DPP6: variants seen among roughly 807,000 people sequenced by gnomAD.
The protein encoded by DPP6 is A-type potassium channel modulatory protein DPP6.
Under a neutral mutation model 122.6 loss-of-function variants are expected in DPP6, and 69 were observed. The ratio of observed to expected loss-of-function variants is 0.56; its 90% CI spans 0.46 to 0.69. DPP6 has a LOEUF of 0.69. DPP6 is among the 30% of genes least tolerant of loss of function. The pLI, the probability that DPP6 is intolerant of heterozygous loss-of-function variation, is 0.00. For synonymous variants in DPP6, 418 were observed against 433.1 expected, an observed-to-expected ratio of 0.97 and a Z score of 0.43; for missense variants, 928 against 1,116.9, an observed-to-expected ratio of 0.83 and a Z score of 2.41.
intron 1 of DPP6, among the ~76,000 whole-genome samples, chr7:154,135,442 A>C (rs1056171373): frequency 1.3e-5 from 2 of 149,306 alleles, no homozygotes; most frequent in African/African-American, 5.0e-5. Context: ...GCTTCCCGTG[A>C]GCCCACATTT....
intron 1 of DPP6, among the ~76,000 whole-genome samples, chr7:154,111,620 C>CATGT (rs975038900): frequency 3.0e-5 from 4 of 134,912 alleles, no homozygotes; most frequent in African/African-American, 8.2e-5. Context: ...GGCAGGGTTT[C>CATGT]GTGTGTGTGT....
rs116479251 is a variant in DPP6 at position 154,461,215 on chromosome 7, G to A, written c.359-13724G>A. On this transcript the variant is annotated intron_variant, in intron 2 of 25. Coordinates refer to ENST00000377770, the MANE Select transcript of DPP6 (RefSeq NM_130797.4). ...AAATCTCATTCATTTTTTTGTGGCT[G>A]AATAGTACTCCATTGTGTATACGTA... 5.2e-3 allele frequency among the ~76,000 whole-genome samples: 792 copies of A among 152,250 alleles called. 9 individuals are homozygous for A. The highest frequency in any genetic ancestry group is 0.019 in the African/African-American group (775 of 41,532).
intron 1 of DPP6, among the ~76,000 whole-genome samples, chr7:154,211,108 G>A (rs1483564009): frequency 6.6e-6 from 1 of 152,170 alleles, no homozygotes; most frequent in African/African-American, 2.4e-5. Context: ...CTCTGTTAGT[G>A]CTTCCTCTTA....
chr7:154,379,038 A>T (rs1224993867), intron 1 of DPP6, among the ~76,000 whole-genome samples: 1 of 152,120 alleles, frequency 6.6e-6, no homozygotes, highest in Non-Finnish European at 1.5e-5. Context: ...CAGAGCCAAA[A>T]CGATTCACCT....
At chr7:154,131,263 G>T (rs568113453) in intron 1 of DPP6, among the ~76,000 whole-genome samples, 2 of 152,228 alleles carry the variant, frequency 1.3e-5, no homozygotes, top group African/African-American at 2.4e-5. Context: ...CTCCCAGAAG[G>T]GGTGTGATAT....
At chr7:154,032,652 A>G (rs1216864526) in intron 1 of DPP6, among the ~76,000 whole-genome samples, 1 of 152,104 alleles carries the variant, frequency 6.6e-6, no homozygotes, top group Non-Finnish European at 1.5e-5. Context: ...TTTCTTTGCA[A>G]TCTGACATAT....
chr7:154,324,964 G>A (rs945540871), intron 1 of DPP6, among the ~76,000 whole-genome samples: 18 of 147,364 alleles, frequency 1.2e-4, no homozygotes, highest in Non-Finnish European at 1.8e-4. Flanking sequence ...GGGTTGAAGC[G>A]GTTCTCCTGC....
At chr7:153,865,985 T>C in the DPP6 span, among the ~76,000 whole-genome samples, 2 of 152,114 alleles carry the variant, frequency 1.3e-5, no homozygotes, top group Admixed American at 6.5e-5. Flanking sequence ...CATGAACCCA[T>C]CATTTTTTAT....
chr7:154,029,969 G>A (rs1368341647), intron 1 of DPP6, among the ~76,000 whole-genome samples: 2 of 152,210 alleles, frequency 1.3e-5, no homozygotes, highest in East Asian at 3.9e-4. Flanking sequence ...GCTGAGGGGG[G>A]CAGATCACTT....
chr7:154,823,652 A>C (rs1799946719), intron 16 of DPP6, among the ~76,000 whole-genome samples: 1 of 152,232 alleles, frequency 6.6e-6, no homozygotes, highest in South Asian at 2.1e-4. Flanking sequence ...GGACATGCCA[A>C]ACTCTCGTCC....
At chr7:154,603,656 CAAAAAAAAAAAAAA>C (rs779501891) in intron 5 of DPP6, among the ~76,000 whole-genome samples, 1 of 24,988 alleles carries the variant, frequency 4.0e-5, no homozygotes, top group African/African-American at 1.1e-4. Flanking sequence ...AACTCTGTCT[CAAAAAAAAAAAAAA>C]AAAAAAAAAA....
At chr7:154,593,680 C>T (rs910118167) in intron 5 of DPP6, among the ~76,000 whole-genome samples, 1 of 152,190 alleles carries the variant, frequency 6.6e-6, no homozygotes, top group African/African-American at 2.4e-5. Context: ...AGCTCTGGAG[C>T]AGGGGGAGCT....
chr7:153,874,068 T>G, the DPP6 span, among the ~76,000 whole-genome samples: 1 of 152,302 alleles, frequency 6.6e-6, no homozygotes, highest in South Asian at 2.1e-4. Flanking sequence ...AATATTTGCC[T>G]TCTTCCTAAC....
chr7:154,338,828 C>T lies in DPP6; in HGVS notation c.244-107386C>T, dbSNP rs73167341. Among the ~76,000 whole-genome samples the T allele has an allele frequency of 6.1e-3, 923 of 152,238 alleles. 1 individual carries two copies. The highest frequency in any genetic ancestry group is 0.01 in the Non-Finnish European group (701 of 68,012). ...GCACCTCTCTTCCTCGCCTTTTTTC[C>T]CTTCTGAACATGACCTGAAAGAAGA... On this transcript the variant is annotated intron_variant, in intron 1 of 25. Transcript: ENST00000377770.
intron 7 of DPP6, among the ~76,000 whole-genome samples, chr7:154,722,731 G>T (rs934815160): frequency 2.6e-5 from 4 of 152,070 alleles, no homozygotes; most frequent in African/African-American, 9.7e-5. Context: ...GATAGTGAAG[G>T]CCACACGTAG....
At chr7:154,367,508 A>G (rs978601641) in intron 1 of DPP6, among the ~76,000 whole-genome samples, 4 of 152,232 alleles carry the variant, frequency 2.6e-5, no homozygotes, top group African/African-American at 9.6e-5. Flanking sequence ...GAAAATCTCC[A>G]CCAACACCTG....
chr7:153,826,472 T>C, the DPP6 span, among the ~76,000 whole-genome samples: 1 of 152,240 alleles, frequency 6.6e-6, no homozygotes, highest in Non-Finnish European at 1.5e-5. Flanking sequence ...GTCCTTGGGA[T>C]GCTTATATTT....
At chr7:154,594,717 C>T (rs1319584126) in intron 5 of DPP6, among the ~76,000 whole-genome samples, 4 of 152,184 alleles carry the variant, frequency 2.6e-5, no homozygotes, top group Admixed American at 2.6e-4. Context: ...ACACCACCTA[C>T]CACAACGTTG....
At chr7:153,830,411 A>T in the DPP6 span, among the ~76,000 whole-genome samples, 2 of 152,206 alleles carry the variant, frequency 1.3e-5, no homozygotes, top group South Asian at 2.1e-4. Flanking sequence ...GTGCACATTT[A>T]AAAAAATGAA....
Sources: allele counts gnomAD v4.1 joint callset (sites outside exome capture counted in the v4.1 genomes callset), GRCh38; gene constraint gnomAD v4.1.1; transcripts MANE v1.5; gene names NCBI Gene and HGNC (gene_info 2026-07-23, HGNC 2026-07-21).